The following SDCCAG8 variants were observed in gnomAD, a reference collection of about 807,000 sequenced individuals.
SDCCAG8 encodes the protein SHH signaling and ciliogenesis regulator SDCCAG8.
SDCCAG8 carries 74 observed loss-of-function variants against 101.8 expected under a neutral mutation model. The ratio of observed to expected loss-of-function variants is 0.73; its 90% CI spans 0.60 to 0.88. SDCCAG8 has a LOEUF of 0.88. SDCCAG8 is among the 40% of genes least tolerant of loss of function. SDCCAG8 has a pLI of 0.00. For synonymous variants in SDCCAG8, 281 were observed against 292.9 expected (o/e 0.96, Z 0.41); for missense variants, 787 against 822.6 (o/e 0.96, Z 0.53).
intron 7 of SDCCAG8, among the ~76,000 whole-genome samples, chr1:243,306,862 C>T (rs994186251): frequency 2.6e-5 from 4 of 151,830 alleles, no homozygotes; most frequent in South Asian, 2.1e-4. Flanking sequence ...GCCTCTCCTG[C>T]GTTGCTTGAA....
At chr1:243,445,410 T>G (rs2148110306) in intron 16 of SDCCAG8, among the ~76,000 whole-genome samples, 1 of 152,356 alleles carries the variant, frequency 6.6e-6, no homozygotes, top group African/African-American at 2.4e-5. Context: ...ATAACTTATA[T>G]GCTTCCAGAA....
At chr1:243,274,700 T>C (rs767577183) in intron 4 of SDCCAG8, 44 bp downstream of exon 4, 4 of 1,102,162 alleles carry the variant, frequency 3.6e-6, no homozygotes, top group African/African-American at 1.6e-5. Context: ...AATGAAAGCT[T>C]ATATTAACTA....
intron 12 of SDCCAG8, among the ~76,000 whole-genome samples, chr1:243,355,314 TTCTCTCTCTCTC>T (rs10579765): frequency 1.4e-5 from 2 of 147,572 alleles, no homozygotes; most frequent in African/African-American, 5.0e-5. Flanking sequence ...TCCTGATACC[TTCTCTCTCTCTC>T]TCTCTCTCTC....
At chr1:243,497,694 G>A (rs760410169) in intron 17 of SDCCAG8, among the ~76,000 whole-genome samples, 5 of 152,144 alleles carry the variant, frequency 3.3e-5, no homozygotes, top group Non-Finnish European at 7.3e-5. Context: ...TTTTACTTCA[G>A]GTCTTTACGC....
At chr1:243,476,999 T>TACACACACACAC (rs531152514) in intron 16 of SDCCAG8, among the ~76,000 whole-genome samples, 4 of 102,324 alleles carry the variant, frequency 3.9e-5, no homozygotes, top group African/African-American at 1.3e-4. Flanking sequence ...ACTGGTTCTG[T>TACACACACACAC]ACACACACAC....
intron 13 of SDCCAG8, among the ~76,000 whole-genome samples, chr1:243,414,495 G>A (rs574275482): frequency 5.3e-5 from 8 of 152,266 alleles, no homozygotes; most frequent in African/African-American, 1.9e-4. Flanking sequence ...GACCCCCGAT[G>A]ATTCCATTTG....
rs1216674395 is a variant in SDCCAG8, at chr1:243,474,418, G to C, written c.1986-14596G>C. ...CCGGCCGGCTGCCCTCCAGGTGCGG[G>C]CTCCAGGCCCTCTCGCGCGGCTTCG... On this transcript the variant is annotated intron_variant, in intron 16 of 17. Transcript: ENST00000366541. The surrounding 1 kb of genome is among the most constrained non-coding windows in gnomAD (Gnocchi z 4.7). 6.6e-6 allele frequency among the ~76,000 whole-genome samples: 1 copy of C among 152,202 alleles called. No homozygotes were observed. Among genetic ancestry groups the C allele is most frequent in the Non-Finnish European group, 1.5e-5 (1 of 68,026 alleles).
intron 13 of SDCCAG8, among the ~76,000 whole-genome samples, chr1:243,404,596 C>T (rs546239931): frequency 1.5e-4 from 23 of 152,218 alleles, no homozygotes; most frequent in Non-Finnish European, 2.6e-4. Context: ...GGGCTCACGT[C>T]AGTTTTTTTC....
chr1:243,413,296 C>A (rs892634793), intron 13 of SDCCAG8, among the ~76,000 whole-genome samples: 3 of 152,200 alleles, frequency 2.0e-5, no homozygotes, highest in Non-Finnish European at 4.4e-5. Context: ...TCCTCTACCT[C>A]TCAGGTTGAA....
chr1:243,304,135 G>A (rs2071840633), intron 6 of SDCCAG8, among the ~76,000 whole-genome samples: 1 of 151,782 alleles, frequency 6.6e-6, no homozygotes, highest in African/African-American at 2.4e-5. Context: ...TAACCTCCAT[G>A]TTATTTAAGG....
chr1:243,480,121 A>G (rs2148221259), intron 16 of SDCCAG8, among the ~76,000 whole-genome samples: 1 of 151,128 alleles, frequency 6.6e-6, no homozygotes, highest in Middle Eastern at 3.4e-3. Context: ...TCAAGCAGAG[A>G]GGCAGGGCTG....
chr1:243,377,143 C>G (rs145174763), intron 12 of SDCCAG8, among the ~76,000 whole-genome samples: 3 of 152,164 alleles, frequency 2.0e-5, no homozygotes, highest in African/African-American at 7.2e-5. Context: ...TTATTAACTA[C>G]TGAGTTTAGA....
At chr1:243,415,596 G>A in intron 13 of SDCCAG8, 106 bp from the exon 14 acceptor site, 1 of 1,506,798 alleles carries the variant, frequency 6.6e-7, no homozygotes, top group Non-Finnish European at 9.2e-7. Flanking sequence ...GTCTTCTTAT[G>A]CTTAACAATT....
rs377170583 is a variant in SDCCAG8 at position 243,279,556 on chromosome 1, G to C, written c.420+4900G>C. Among the ~76,000 whole-genome samples, 8 of 152,146 alleles carry C rather than the reference G, an allele frequency of 5.3e-5. No individual in the cohort carries two copies. The East Asian group carries it at 5.8e-4, about 11-fold the overall frequency. On this transcript the variant is annotated intron_variant, in intron 4 of 17. Transcript: ENST00000366541. ...CATATTGCTTTTGCAGCATAATAAC[G>C]TCAAAAAAATCATAAGTCAAACCAT...
chr1:243,263,189 G>A (rs917986824), intron 1 of SDCCAG8, among the ~76,000 whole-genome samples: 3 of 152,152 alleles, frequency 2.0e-5, no homozygotes, highest in African/African-American at 4.8e-5. Flanking sequence ...TATTGATCTC[G>A]TTTTATTGAC....
At chr1:243,350,457 A>G (rs1052817312) in intron 12 of SDCCAG8, among the ~76,000 whole-genome samples, 1 of 152,068 alleles carries the variant, frequency 6.6e-6, no homozygotes, top group African/African-American at 2.4e-5. Context: ...AGCTCAGGCA[A>G]TCCACCTGCC....
At chr1:243,271,349 TATATA>T (rs893004739) in intron 3 of SDCCAG8, among the ~76,000 whole-genome samples, 1 of 148,564 alleles carries the variant, frequency 6.7e-6, no homozygotes, top group African/African-American at 2.4e-5. Context: ...AAATATATAA[TATATA>T]ATAAATTAAT....
chr1:243,287,114 A>G (rs2149286649), intron 5 of SDCCAG8, among the ~76,000 whole-genome samples: 1 of 152,310 alleles, frequency 6.6e-6, no homozygotes, highest in East Asian at 1.9e-4. Flanking sequence ...TATCTCTATA[A>G]TTCTGTGACA....
intron 16 of SDCCAG8, among the ~76,000 whole-genome samples, chr1:243,465,054 T>C (rs1269899200): frequency 6.6e-6 from 1 of 152,258 alleles, no homozygotes; most frequent in Non-Finnish European, 1.5e-5. Context: ...GCCAACTAAA[T>C]ACAGTTTCCT....
Sources: allele counts gnomAD v4.1 joint callset (sites outside exome capture counted in the v4.1 genomes callset), GRCh38; gene constraint gnomAD v4.1.1; non-coding constraint Gnocchi (gnomAD v3.1); transcripts MANE v1.5; gene names NCBI Gene and HGNC (gene_info 2026-07-23, HGNC 2026-07-21).